PLCG2: variants seen among roughly 807,000 people sequenced by gnomAD.
The protein encoded by PLCG2 is 1-phosphatidylinositol 4,5-bisphosphate phosphodiesterase gamma-2.
In PLCG2, 69 loss-of-function variants were observed where a neutral mutation model predicts 175.6. The observed-to-expected ratio is 0.39, with a 90% confidence interval of 0.32 to 0.48. The LOEUF (loss-of-function observed/expected upper bound fraction) is 0.48. Among genes scored for constraint, PLCG2 ranks in the 20% least tolerant of loss-of-function variants. PLCG2 has a pLI of 0.91. For missense variants in PLCG2, 1,798 were observed against 1,650.9 expected, an observed-to-expected ratio of 1.09 and a Z score of -1.54; for synonymous variants, 827 against 624.0, an observed-to-expected ratio of 1.33 and a Z score of -4.85.
chr16:81,852,779 G>A (rs1361710103), intron 2 of PLCG2, among the ~76,000 whole-genome samples: 1 of 152,220 alleles, frequency 6.6e-6, no homozygotes, highest in African/African-American at 2.4e-5. Flanking sequence ...GGGAGAGCTT[G>A]TCTGTGTTCC....
rs1907695346 is a variant in PLCG2 at position 81,874,948 on chromosome 16, G to GTTTTTTTGTTTTTTTGTTCTTTTTTT, written c.648+4020_648+4021insGTTTTTTTGTTCTTTTTTTTTTTTTT. On this transcript the variant is annotated intron_variant, in intron 7 of 32. Transcript: ENST00000564138. Reference sequence around the variant, plus strand: ...CTATTTGCTAGGCACTATCCTATGTGTTTTTTTTTTTTTTTTTTTTTTTTT... The same window carrying GTTTTTTTGTTTTTTTGTTCTTTTTTT: ...CTATTTGCTAGGCACTATCCTATGTGTTTTTTTGTTTTTTTGTTCTTTTTTTTTTTTTTTTTTTTTTTTTTTTTTTT... Among the ~76,000 whole-genome samples, 3 of 40,770 alleles carry GTTTTTTTGTTTTTTTGTTCTTTTTTT rather than the reference G, an allele frequency of 7.4e-5. 1 individual carries two copies. The highest frequency in any genetic ancestry group is 5.1e-5 in the Non-Finnish European group (1 of 19,622). The allele number at this position is 40,770 out of a possible 152,430, so 26.7% of individuals were successfully genotyped here. A position where few individuals can be genotyped will look rare whatever the true frequency, so the allele number is the denominator to read the frequency against.
chr16:81,861,900 A>G (rs1020355975), intron 5 of PLCG2, among the ~76,000 whole-genome samples: 1 of 152,180 alleles, frequency 6.6e-6, no homozygotes, highest in African/African-American at 2.4e-5. Context: ...CGGCTGGTCC[A>G]GGACCCTCTG....
At chr16:81,927,877 GGTT>G (rs1910340955) in intron 23 of PLCG2, among the ~76,000 whole-genome samples, 2 of 152,200 alleles carry the variant, frequency 1.3e-5, no homozygotes, top group Admixed American at 6.5e-5. Flanking sequence ...GTGGGAATGT[GGTT>G]GTGTTCCGTG....
chr16:81,760,010 C>A (rs1354126476), intron 2 of PLCG2, among the ~76,000 whole-genome samples: 4 of 152,176 alleles, frequency 2.6e-5, no homozygotes, highest in Non-Finnish European at 4.4e-5. Flanking sequence ...CCTGTAGTCC[C>A]AGCTGCTGGG....
intron 14 of PLCG2, among the ~76,000 whole-genome samples, chr16:81,902,627 C>G (rs1306753933): frequency 6.6e-6 from 1 of 152,048 alleles, no homozygotes; most frequent in African/African-American, 2.4e-5. Context: ...CTTATGAGAG[C>G]TCTACCCTCA....
At chr16:81,788,033 C>T (rs1911061182) in intron 2 of PLCG2, among the ~76,000 whole-genome samples, 1 of 152,162 alleles carries the variant, frequency 6.6e-6, no homozygotes, top group Non-Finnish European at 1.5e-5. Flanking sequence ...GAATGTTTCT[C>T]TACAAGTTTT....
At position 81,926,292 on chromosome 16, in the gene PLCG2, C is replaced by A. The variant is rs531203999; in HGVS notation, c.2418-790C>A. On this transcript the variant is annotated intron_variant, in intron 22 of 32. Coordinates refer to ENST00000564138, the MANE Select transcript of PLCG2 (RefSeq NM_002661.5). ...GCTGGATTCTGGAGGCCCTGGGGAG[C>A]CATCATGTGGTGTGGTCAGAGGTGC... is the stretch of plus-strand genomic sequence containing the variant. Among the ~76,000 whole-genome samples the A allele has an allele frequency of 5.9e-5, 9 of 152,196 alleles. No individual in the cohort carries two copies. The East Asian group carries it at 1.7e-3, about 29-fold the overall frequency.
At chr16:81,942,383 C>T (rs944663878) in intron 30 of PLCG2, among the ~76,000 whole-genome samples, 14 of 152,360 alleles carry the variant, frequency 9.2e-5, no homozygotes, top group Admixed American at 2.0e-4. Context: ...TCTCCTCCCC[C>T]GACTGTGAGA....
chr16:81,860,161 T>C (rs906705253), intron 5 of PLCG2, among the ~76,000 whole-genome samples: 1 of 99,698 alleles, frequency 1.0e-5, no homozygotes, highest in East Asian at 2.1e-4. Flanking sequence ...ATTATTATTA[T>C]TATTATTATT....
At chr16:81,773,099 G>T in intron 2 of PLCG2, among the ~76,000 whole-genome samples, 1 of 152,196 alleles carries the variant, frequency 6.6e-6, no homozygotes, top group East Asian at 1.9e-4. Context: ...CTTGGAGAGT[G>T]ACTGAGGCAG....
intron 31 of PLCG2, among the ~76,000 whole-genome samples, chr16:81,947,331 C>T (rs1009971888): frequency 2.2e-4 from 33 of 152,144 alleles, no homozygotes; most frequent in African/African-American, 7.7e-4. Flanking sequence ...TGAAAGTTTT[C>T]TTTAGTTCAG....
intron 2 of PLCG2, among the ~76,000 whole-genome samples, chr16:81,812,579 A>G (rs551984202): frequency 6.6e-6 from 1 of 152,310 alleles, no homozygotes; most frequent in African/African-American, 2.4e-5. Flanking sequence ...GATTCTGGAT[A>G]TTAGCCATTT....
intron 2 of PLCG2, among the ~76,000 whole-genome samples, chr16:81,824,195 G>T (rs558608411): frequency 6.7e-6 from 1 of 149,206 alleles, no homozygotes; most frequent in African/African-American, 2.5e-5. Flanking sequence ...GTGCAATGGC[G>T]TGATCTCAGC....
At chr16:81,829,319 G>C (rs1420655809) in intron 2 of PLCG2, among the ~76,000 whole-genome samples, 2 of 152,190 alleles carry the variant, frequency 1.3e-5, no homozygotes, top group African/African-American at 2.4e-5. Context: ...CTGTTGGTCA[G>C]GCTGGCCTTG....
At position 81,834,064 on chromosome 16, in the gene PLCG2, C is replaced by T. The variant is rs148063117; in HGVS notation, c.194-20380C>T. 1.1e-4 allele frequency among the ~76,000 whole-genome samples: 17 copies of T among 152,266 alleles called. 1 individual carries two copies. Among genetic ancestry groups the T allele is most frequent in the South Asian group, 6.2e-4 (3 of 4,832 alleles). ...GAGGTAACTGGACTTACCTTGTCTC[C>T]GGGCCTTCCACTGTGGGCCACCCGC... On this transcript the variant is annotated intron_variant, in intron 2 of 32. Coordinates refer to ENST00000564138, the MANE Select transcript of PLCG2 (RefSeq NM_002661.5).
chr16:81,814,879 G>T (rs1904474495), intron 2 of PLCG2, among the ~76,000 whole-genome samples: 1 of 152,144 alleles, frequency 6.6e-6, no homozygotes, highest in African/African-American at 2.4e-5. Flanking sequence ...ATAGAGTTGG[G>T]ATAAAGATTA....
intron 19 of PLCG2, among the ~76,000 whole-genome samples, chr16:81,915,766 C>G (rs978436916): frequency 6.6e-5 from 10 of 151,738 alleles, no homozygotes; most frequent in African/African-American, 1.9e-4. Context: ...GACCTTGGCT[C>G]TGTACCTCGG....
At chr16:81,900,802 G>A (rs750495572) in intron 14 of PLCG2, 22 bp downstream of exon 14, 19 of 1,586,562 alleles carry the variant, frequency 1.2e-5, no homozygotes, top group Non-Finnish European at 1.4e-5. Flanking sequence ...GGGTGCTGCT[G>A]TTGGCTGTCC....
At chr16:81,791,836 A>G (rs1355742275) in intron 2 of PLCG2, among the ~76,000 whole-genome samples, 1 of 152,100 alleles carries the variant, frequency 6.6e-6, no homozygotes, top group Non-Finnish European at 1.5e-5. Flanking sequence ...AAGTGCTGGG[A>G]TTACAGGCAT....
Sources: allele counts gnomAD v4.1 joint callset (sites outside exome capture counted in the v4.1 genomes callset), GRCh38; gene constraint gnomAD v4.1.1; transcripts MANE v1.5; gene names NCBI Gene and HGNC (gene_info 2026-07-23, HGNC 2026-07-21).